Variants in UNC13C observed in about 807,000 individuals in gnomAD.
The protein encoded by UNC13C is unc-13 homolog C, also known as protein unc-13 homolog C.
UNC13C carries 174 observed loss-of-function variants against 245.4 expected under a neutral mutation model. That is an observed-to-expected ratio of 0.71 (90% CI 0.63 to 0.80). UNC13C has a LOEUF of 0.80. Ranked by LOEUF, UNC13C falls within the 30% of genes least tolerant of loss-of-function variation. UNC13C has a pLI of 0.00. For missense variants in UNC13C, 2,829 were observed against 2,602.9 expected, an observed-to-expected ratio of 1.09 and a Z score of -1.89; for synonymous variants, 992 against 895.1, an observed-to-expected ratio of 1.11 and a Z score of -1.93.
intron 2 of UNC13C, among the ~76,000 whole-genome samples, chr15:54,023,714 G>T (rs1287344677): frequency 6.6e-6 from 1 of 152,138 alleles, no homozygotes; most frequent in Non-Finnish European, 1.5e-5. Flanking sequence ...CAAACTATAA[G>T]ACTGGAATAC....
At chr15:53,939,460 C>G in the UNC13C span, among the ~76,000 whole-genome samples, 1 of 152,050 alleles carries the variant, frequency 6.6e-6, no homozygotes. Context: ...AATTTGAAAA[C>G]AAGGCACTCC....
intron 19 of UNC13C, among the ~76,000 whole-genome samples, chr15:54,428,105 C>G (rs1170208975): frequency 2.0e-5 from 3 of 151,732 alleles, no homozygotes; most frequent in African/African-American, 4.8e-5. Flanking sequence ...GGGTTTCTTT[C>G]ATTGTTAGTT....
intron 14 of UNC13C, among the ~76,000 whole-genome samples, chr15:54,326,272 GA>G (rs1356233892): frequency 6.6e-6 from 1 of 152,074 alleles, no homozygotes; most frequent in Non-Finnish European, 1.5e-5. Context: ...TTGCAGAGGG[GA>G]AGGGGGTTGG....
chr15:53,859,277 A>T, the UNC13C span, among the ~76,000 whole-genome samples: 1 of 151,922 alleles, frequency 6.6e-6, no homozygotes, highest in African/African-American at 2.4e-5. Context: ...AGATGAATTG[A>T]TTCTTTTCAA....
At chr15:53,942,221 C>T in the UNC13C span, among the ~76,000 whole-genome samples, 1 of 151,870 alleles carries the variant, frequency 6.6e-6, no homozygotes, top group South Asian at 2.1e-4. Context: ...ACTATGCACC[C>T]ATAAAAAGGA....
At chr15:54,471,961 A>T (rs1892485084) in intron 19 of UNC13C, among the ~76,000 whole-genome samples, 1 of 151,746 alleles carries the variant, frequency 6.6e-6, no homozygotes, top group Admixed American at 6.6e-5. Flanking sequence ...TACATTTAAA[A>T]CAGTTGTTGA....
the UNC13C span, among the ~76,000 whole-genome samples, chr15:53,942,689 A>G: frequency 6.6e-6 from 1 of 152,092 alleles, no homozygotes; most frequent in Non-Finnish European, 1.5e-5. Flanking sequence ...TTTGAGACAG[A>G]GTCTCACTCT....
chr15:53,882,611 C>G, the UNC13C span, among the ~76,000 whole-genome samples: 5 of 152,232 alleles, frequency 3.3e-5, no homozygotes, highest in South Asian at 1.0e-3. Flanking sequence ...CCAAATGAAG[C>G]ATAATTTACA....
chr15:54,604,699 A>T (rs1346455912), intron 30 of UNC13C, among the ~76,000 whole-genome samples: 1 of 152,282 alleles, frequency 6.6e-6, no homozygotes, highest in East Asian at 1.9e-4. Flanking sequence ...TTCCACTTGA[A>T]CACCTCTTTC....
intron 19 of UNC13C, among the ~76,000 whole-genome samples, chr15:54,485,595 T>G (rs1181143752): frequency 6.6e-6 from 1 of 152,220 alleles, no homozygotes; most frequent in Non-Finnish European, 1.5e-5. Context: ...TTTACAGATG[T>G]AAATCAGACC....
chr15:54,098,490 C>T (rs1899997126), intron 2 of UNC13C, among the ~76,000 whole-genome samples: 1 of 152,108 alleles, frequency 6.6e-6, no homozygotes, highest in Non-Finnish European at 1.5e-5. Context: ...ATAGCTTCTT[C>T]TCCTTCCTCC....
At chr15:54,364,734 A>G (rs2039323251) in intron 17 of UNC13C, among the ~76,000 whole-genome samples, 1 of 152,208 alleles carries the variant, frequency 6.6e-6, no homozygotes, top group Non-Finnish European at 1.5e-5. Flanking sequence ...TGATATTCCC[A>G]TTAAATGACT....
chr15:54,263,562 C>T (rs1269004027), intron 8 of UNC13C, among the ~76,000 whole-genome samples: 1 of 152,122 alleles, frequency 6.6e-6, no homozygotes, highest in Admixed American at 6.5e-5. Flanking sequence ...AGTATTCAGT[C>T]ATTTAAAAGC....
chr15:54,183,561 A>G (rs1224230297), intron 4 of UNC13C, among the ~76,000 whole-genome samples: 1 of 151,994 alleles, frequency 6.6e-6, no homozygotes, highest in African/African-American at 2.4e-5. Context: ...ATTAAGGGCC[A>G]ATATATATTT....
At chr15:54,237,552 TCTG>T in intron 6 of UNC13C, 64 bp from the exon 7 acceptor site, 1 of 1,202,962 alleles carries the variant, frequency 8.3e-7, no homozygotes, top group Non-Finnish European at 1.2e-6. Flanking sequence ...ATTTTCACCT[TCTG>T]CTGAGCAGTA....
intron 1 of UNC13C, among the ~76,000 whole-genome samples, chr15:54,012,194 G>GTT (rs1051981054): frequency 2.6e-5 from 4 of 151,994 alleles, no homozygotes; most frequent in South Asian, 2.1e-4. Context: ...ATCAAAAGAG[G>GTT]TTATATATAT....
the UNC13C span, among the ~76,000 whole-genome samples, chr15:53,882,862 T>C: frequency 6.6e-6 from 1 of 152,122 alleles, no homozygotes; most frequent in Admixed American, 6.5e-5. Flanking sequence ...CTGCTTCTGG[T>C]CATTTTGGAA....
chr15:54,559,747 A>G (rs8032415), intron 29 of UNC13C, among the ~76,000 whole-genome samples: 89,575 of 151,710 alleles, frequency 0.59, 28,659 homozygotes, highest in African/African-American at 0.85. Flanking sequence ...TGGGAGAAAG[A>G]CATTGCAGGC....
intron 13 of UNC13C, among the ~76,000 whole-genome samples, chr15:54,311,720 T>A (rs1039183083): frequency 2.6e-5 from 4 of 151,792 alleles, no homozygotes; most frequent in African/African-American, 4.8e-5. Flanking sequence ...TACTCCTAAC[T>A]AGAAATTACT....
Sources: gnomAD v4.1 joint callset for allele counts (sites outside exome capture counted in the v4.1 genomes callset) on GRCh38, gnomAD v4.1.1 for gene constraint, MANE v1.5 for transcripts, NCBI Gene and HGNC (gene_info 2026-07-23, HGNC 2026-07-21) for gene names.